Variants in HSD17B12 observed in about 807,000 individuals in gnomAD.
HSD17B12 encodes the protein very-long-chain 3-oxoacyl-CoA reductase.
A neutral mutation model predicts 39.3 loss-of-function variants in HSD17B12; 32 were observed. That is an observed-to-expected ratio of 0.81 (90% confidence interval 0.61 to 1.09). HSD17B12 has a LOEUF of 1.09. Ranked by LOEUF, HSD17B12 falls within the 50% of genes least tolerant of loss-of-function variation. The pLI is 0.00. For synonymous variants in HSD17B12, 150 were observed against 146.7 expected (o/e 1.02, Z -0.16); for missense variants, 342 against 382.9 (o/e 0.89, Z 0.89).
chr11:43,701,944 A>G (rs1268876694), intron 1 of HSD17B12, among the ~76,000 whole-genome samples: 4 of 152,178 alleles, frequency 2.6e-5, no homozygotes, highest in East Asian at 1.9e-4. Context: ...AACAATATCA[A>G]TTCTTCCAAT....
chr11:43,754,218 C>G (rs544913476), intron 3 of HSD17B12, 97 bp downstream of exon 3: 6 of 800,988 alleles, frequency 7.5e-6, no homozygotes, highest in African/African-American at 3.5e-5. Flanking sequence ...CAGGAAACTT[C>G]TTTTTCAAGG....
At position 43,855,149 on chromosome 11, in the gene HSD17B12, G is replaced by A. The variant is rs139099004; in HGVS notation, c.840G>A (p.Ser280=). 989 of 1,601,486 alleles carry A rather than the reference G, an allele frequency of 6.2e-4. 1 individual carries two copies. The highest frequency in any genetic ancestry group is 7.6e-4 in the Non-Finnish European group (895 of 1,171,292). ...NGYLIHALMG[S]IISNLPSWIY... is the part of the protein sequence containing the mutation. Reference sequence around the variant, plus strand: ...CTCTCATTCTGTTTCCCTAGGGCTCGATAATCTCAAACCTGCCTTCTTGGA... The same window carrying A: ...CTCTCATTCTGTTTCCCTAGGGCTCAATAATCTCAAACCTGCCTTCTTGGA... Residue 280 remains serine, a synonymous_variant, in exon 11 of 11, where the codon TCG becomes TCA. Coordinates refer to ENST00000278353, the MANE Select transcript of HSD17B12 (RefSeq NM_016142.3).
rs2134940380 is a variant in HSD17B12, at chr11:43,750,950, C to A, written c.200C>A (p.Ala67Glu). 1 of 1,594,504 alleles carries A rather than the reference C, an allele frequency of 6.3e-7. No individual in the cohort carries two copies. The highest frequency in any genetic ancestry group is 8.6e-7 in the Non-Finnish European group (1 of 1,166,436). The change falls in exon 2 of 11, where the codon GCA (alanine) becomes GAA (glutamate). Residue 67 changes from alanine (A) to glutamate (E), a missense_variant. Ala to Glu is a moderately radical substitution (Grantham distance 107). Coordinates refer to ENST00000278353, the MANE Select transcript of HSD17B12 (RefSeq NM_016142.3). ...GSTDGIGKSY[A>E]EELAKHGMKV... Reference sequence around the variant, plus strand: ...ACTGATGGAATTGGAAAATCATATGCAGAAGAGGTAGGTGATTTTCAAGAT... The same window carrying A: ...ACTGATGGAATTGGAAAATCATATGAAGAAGAGGTAGGTGATTTTCAAGAT...
chr11:43,707,746 CTTAA>C (rs1237680997), intron 1 of HSD17B12, among the ~76,000 whole-genome samples: 7 of 152,128 alleles, frequency 4.6e-5, no homozygotes, highest in Non-Finnish European at 8.8e-5. Context: ...TTTTTGAAGA[CTTAA>C]TTAATCTCAC....
chr11:43,788,685 C>CAAAA (rs57970272), intron 3 of HSD17B12, among the ~76,000 whole-genome samples: 38 of 100,860 alleles, frequency 3.8e-4, no homozygotes, highest in Non-Finnish European at 5.0e-4. Flanking sequence ...TTTCCTTCCT[C>CAAAA]AAAAAAAAAA....
intron 1 of HSD17B12, among the ~76,000 whole-genome samples, chr11:43,728,431 C>T (rs1028899035): frequency 4.0e-5 from 6 of 151,182 alleles, no homozygotes; most frequent in South Asian, 2.1e-4. Context: ...AAACATTACA[C>T]AAGAAATATA....
chr11:43,779,431 T>C (rs948454818), intron 3 of HSD17B12, among the ~76,000 whole-genome samples: 2 of 152,244 alleles, frequency 1.3e-5, no homozygotes, highest in African/African-American at 4.8e-5. Context: ...ATTGGTTTTA[T>C]GCAACATGCT....
At chr11:43,715,324 T>G (rs1372312504) in intron 1 of HSD17B12, among the ~76,000 whole-genome samples, 3 of 152,172 alleles carry the variant, frequency 2.0e-5, no homozygotes, top group African/African-American at 7.2e-5. Context: ...ATTGAGAGTT[T>G]TTAGCATGAA....
At chr11:43,709,150 G>A (rs1174482348) in intron 1 of HSD17B12, among the ~76,000 whole-genome samples, 1 of 151,722 alleles carries the variant, frequency 6.6e-6, no homozygotes, top group East Asian at 1.9e-4. Context: ...TTTTGAGACA[G>A]AGCCTTGCCC....
At chr11:43,768,614 G>C (rs1353478444) in intron 3 of HSD17B12, among the ~76,000 whole-genome samples, 1 of 152,188 alleles carries the variant, frequency 6.6e-6, no homozygotes, top group African/African-American at 2.4e-5. Context: ...GTGGGTTCAT[G>C]GTCTTGCTGA....
At chr11:43,783,675 G>T (rs1014424248) in intron 3 of HSD17B12, among the ~76,000 whole-genome samples, 1 of 151,808 alleles carries the variant, frequency 6.6e-6, no homozygotes, top group Admixed American at 6.6e-5. Context: ...GCGGTGTTTG[G>T]TTTTCTGTTC....
chr11:43,680,309 C>T (rs1029067880), upstream of HSD17B12, among the ~76,000 whole-genome samples: 12 of 152,102 alleles, frequency 7.9e-5, no homozygotes, highest in Non-Finnish European at 1.8e-4. Flanking sequence ...TAAGCTCAAG[C>T]GATTCGCCCG....
intron 6 of HSD17B12, among the ~76,000 whole-genome samples, chr11:43,820,418 A>G (rs1217136523): frequency 6.6e-6 from 1 of 152,164 alleles, no homozygotes; most frequent in Admixed American, 6.5e-5. Flanking sequence ...TTGCCCTATA[A>G]TATATTTGGA....
the HSD17B12 span, among the ~76,000 whole-genome samples, chr11:43,558,559 A>G: frequency 6.6e-6 from 1 of 152,138 alleles, no homozygotes; most frequent in Admixed American, 6.6e-5. Flanking sequence ...GAGGTGGAAC[A>G]CAGGGGGAGG....
chr11:43,734,471 C>G lies in HSD17B12; in HGVS notation c.161-16440C>G, dbSNP rs1950298485. ...GGACAGCCTGATCGAGCTGTGTAAG[C>G]TGGAAGTCGTGGAGGACATTGCATA... On this transcript the variant is annotated intron_variant, in intron 1 of 10. Coordinates refer to ENST00000278353, the MANE Select transcript of HSD17B12 (RefSeq NM_016142.3). 7 of 675,774 alleles carry G rather than the reference C, an allele frequency of 1.0e-5. No homozygotes were observed. The South Asian group carries it at 1.1e-4, about 10-fold the overall frequency. The allele number at this position is 675,774 out of a possible 1,614,324, so 41.9% of individuals were successfully genotyped here.
the HSD17B12 span, among the ~76,000 whole-genome samples, chr11:43,623,185 A>T: frequency 6.6e-6 from 1 of 152,140 alleles, no homozygotes; most frequent in Non-Finnish European, 1.5e-5. Context: ...CTAGGTTTTA[A>T]TCTGGAGAAA....
chr11:43,721,142 T>C (rs1197017463), intron 1 of HSD17B12, among the ~76,000 whole-genome samples: 1 of 151,642 alleles, frequency 6.6e-6, no homozygotes, highest in Non-Finnish European at 1.5e-5. Context: ...AGATGGACAA[T>C]AATACTAGAT....
chr11:43,575,864 A>G, the HSD17B12 span, among the ~76,000 whole-genome samples: 1 of 152,202 alleles, frequency 6.6e-6, no homozygotes, highest in Non-Finnish European at 1.5e-5. This position sits in a 1 kb window ranked among gnomAD's most constrained non-coding sequence, Gnocchi z 4.1. Flanking sequence ...AGACACACAT[A>G]TGCAGCTTTC....
chr11:43,690,402 A>ATTTTT (rs1454701982), intron 1 of HSD17B12, among the ~76,000 whole-genome samples: 1 of 26,224 alleles, frequency 3.8e-5, no homozygotes, highest in African/African-American at 2.2e-4. Context: ...ATATATATAT[A>ATTTTT]TATTTTTTTT....
Sources: gnomAD v4.1 joint callset for allele counts (sites outside exome capture counted in the v4.1 genomes callset) on GRCh38, gnomAD v4.1.1 for gene constraint, Gnocchi (gnomAD v3.1) non-coding constraint, MANE v1.5 for transcripts, NCBI Gene and HGNC (gene_info 2026-07-23, HGNC 2026-07-21) for gene names.